The following SYT1 variants were observed in gnomAD, a reference collection of about 807,000 sequenced individuals.
SYT1 encodes the protein synaptotagmin-1.
SYT1 carries 8 observed loss-of-function variants against 44.8 expected under a neutral mutation model. That is an observed-to-expected ratio of 0.18 (90% confidence interval 0.10 to 0.32). The LOEUF is 0.32. SYT1 is among the 10% of genes least tolerant of loss of function. The probability of loss-of-function intolerance (pLI) is 1.00; values close to 1 mark genes in which losing one functional copy is unlikely to be tolerated. For synonymous variants in SYT1, 154 were observed against 188.8 expected (o/e 0.82, Z 1.51); for missense variants, 286 against 509.3 (o/e 0.56, Z 4.22).
At chr12:79,331,148 C>A (rs752728352) in intron 8 of SYT1, among the ~76,000 whole-genome samples, 8 of 152,188 alleles carry the variant, frequency 5.3e-5, no homozygotes, top group Admixed American at 1.3e-4. Context: ...AGCTTTCCCA[C>A]CTAACTGTAC....
chr12:79,359,987 G>T (rs1883256086), intron 9 of SYT1, among the ~76,000 whole-genome samples: 1 of 152,082 alleles, frequency 6.6e-6, no homozygotes, highest in Non-Finnish European at 1.5e-5. Context: ...TAAAAACTAA[G>T]ATTTCAAGGA....
chr12:79,249,124 G>GA (rs1432649832), intron 4 of SYT1, among the ~76,000 whole-genome samples: 13 of 67,592 alleles, frequency 1.9e-4, no homozygotes, highest in African/African-American at 8.4e-4. Flanking sequence ...TTGAGACGGA[G>GA]TCTCGCTCTG....
chr12:79,139,333 CATGCTTGAAAGGCTATAG>C (rs1869408733), intron 3 of SYT1, among the ~76,000 whole-genome samples: 1 of 152,116 alleles, frequency 6.6e-6, no homozygotes. Flanking sequence ...CTGAACTCAC[CATGCTTGAAAGGCTATAG>C]ATGAGCACTG....
At chr12:79,426,403 A>G in intron 9 of SYT1, among the ~76,000 whole-genome samples, 1 of 152,212 alleles carries the variant, frequency 6.6e-6, no homozygotes, top group East Asian at 1.9e-4. Context: ...ATTCAAGGAA[A>G]AAAAAAACAT....
Position 79,145,750 on chromosome 12 carries a change from T to G in SYT1, c.-17-71753T>G, listed in dbSNP as rs554295634. Among the ~76,000 whole-genome samples the G allele has an allele frequency of 9.4e-3, 1,302 of 138,760 alleles. 19 individuals carry two copies. The highest frequency in any genetic ancestry group is 0.03 in the African/African-American group (1,091 of 36,354). 91.0% of individuals were successfully genotyped at this position (138,760 alleles called of 152,430 possible). On this transcript the variant is annotated intron_variant, in intron 3 of 10. Coordinates refer to ENST00000261205, the MANE Select transcript of SYT1 (RefSeq NM_005639.3). ...TTAAACATAGTGGTTTTTTTTTTTT[T>G]TTGTTTGTTTGTTTGTTTGTTTTTT...
intron 8 of SYT1, among the ~76,000 whole-genome samples, chr12:79,325,643 C>T (rs189068409): frequency 2.3e-3 from 353 of 152,224 alleles, no homozygotes; most frequent in South Asian, 0.018. Context: ...ATGATTTCCT[C>T]CTTTTACACT....
intron 1 of SYT1, among the ~76,000 whole-genome samples, chr12:78,935,650 CCGTT>C (rs1878012366): frequency 1.3e-5 from 2 of 152,006 alleles, no homozygotes; most frequent in Admixed American, 1.3e-4. Context: ...TAAAATAAAA[CCGTT>C]CATGTTAATC....
chr12:79,108,596 C>A (rs1396845125), intron 3 of SYT1, among the ~76,000 whole-genome samples: 1 of 152,112 alleles, frequency 6.6e-6, no homozygotes, highest in Non-Finnish European at 1.5e-5. Flanking sequence ...TCTCTGATTG[C>A]TGAATCATAA....
At chr12:79,126,156 T>A (rs1868423829) in intron 3 of SYT1, among the ~76,000 whole-genome samples, 1 of 152,290 alleles carries the variant, frequency 6.6e-6, no homozygotes, top group South Asian at 2.1e-4. Flanking sequence ...CAGAAACTGA[T>A]AAAAATTAAT....
chr12:79,212,534 T>C (rs927463388), intron 3 of SYT1, among the ~76,000 whole-genome samples: 2 of 152,316 alleles, frequency 1.3e-5, no homozygotes, highest in Middle Eastern at 3.4e-3. Context: ...TGCTGGACTT[T>C]CTTTTAGAAG....
chr12:79,040,941 C>CG (rs1409428643), intron 2 of SYT1, among the ~76,000 whole-genome samples: 31 of 150,830 alleles, frequency 2.1e-4, no homozygotes, highest in African/African-American at 7.3e-4. Context: ...TGTAGATATG[C>CG]GGCGTTATTT....
chr12:78,964,867 C>T (rs551507909), intron 1 of SYT1, among the ~76,000 whole-genome samples: 151 of 152,120 alleles, frequency 9.9e-4, no homozygotes, highest in African/African-American at 3.5e-3. Context: ...AAAGATACAA[C>T]CTCTGCACTT....
chr12:79,404,362 A>T (rs1316323529), intron 9 of SYT1, among the ~76,000 whole-genome samples: 2 of 152,304 alleles, frequency 1.3e-5, no homozygotes, highest in East Asian at 3.9e-4. Context: ...TGTAATTTAT[A>T]TTATGTCCCA....
intron 10 of SYT1, among the ~76,000 whole-genome samples, chr12:79,444,498 TA>T: frequency 6.6e-6 from 1 of 152,074 alleles, no homozygotes; most frequent in Middle Eastern, 3.2e-3. Flanking sequence ...CTATAAAAGT[TA>T]AAAAGCCCAG....
intron 3 of SYT1, among the ~76,000 whole-genome samples, chr12:79,211,561 G>A (rs1032287733): frequency 5.9e-5 from 9 of 151,506 alleles, no homozygotes; most frequent in Non-Finnish European, 1.2e-4. Flanking sequence ...TCTAGCATTA[G>A]GTATATCTCC....
intron 1 of SYT1, among the ~76,000 whole-genome samples, chr12:78,870,926 T>C (rs1260840738): frequency 6.6e-6 from 1 of 152,084 alleles, no homozygotes; most frequent in Non-Finnish European, 1.5e-5. Context: ...GTGAACACTT[T>C]TAAAATGCGA....
intron 9 of SYT1, among the ~76,000 whole-genome samples, chr12:79,363,721 C>T (rs912525308): frequency 8.0e-5 from 12 of 150,098 alleles, no homozygotes; most frequent in Admixed American, 3.3e-4. Context: ...AGTGACAAAG[C>T]GTGTCCCTGT....
chr12:79,375,362 T>C (rs764048080), intron 9 of SYT1, among the ~76,000 whole-genome samples: 10 of 152,144 alleles, frequency 6.6e-5, no homozygotes, highest in Non-Finnish European at 1.5e-4. Flanking sequence ...TAAGGCCTGG[T>C]TGTACAAAAC....
intron 2 of SYT1, among the ~76,000 whole-genome samples, chr12:78,999,108 A>G (rs1870561285): frequency 6.6e-6 from 1 of 152,172 alleles, no homozygotes; most frequent in Non-Finnish European, 1.5e-5. Context: ...ACCAATAAAT[A>G]AATTATAAAA....
Sources: allele counts gnomAD v4.1 joint callset (sites outside exome capture counted in the v4.1 genomes callset), GRCh38; gene constraint gnomAD v4.1.1; transcripts MANE v1.5; gene names NCBI Gene and HGNC (gene_info 2026-07-23, HGNC 2026-07-21).